HERC3: variants seen among roughly 807,000 people sequenced by gnomAD.
HERC3 encodes probable E3 ubiquitin-protein ligase HERC3.
Under a neutral mutation model 129.9 loss-of-function variants are expected in HERC3, and 58 were observed. That is an observed-to-expected ratio of 0.45 (90% CI 0.36 to 0.56). HERC3 has a LOEUF of 0.56. HERC3 is among the 20% of genes least tolerant of loss of function. The pLI is 0.00. For missense variants in HERC3, 835 were observed against 1,244.2 expected (o/e 0.67, Z 4.95); for synonymous variants, 430 against 451.0 (o/e 0.95, Z 0.59).
At chr4:88,615,026 C>T (rs1423848268) in intron 3 of HERC3, among the ~76,000 whole-genome samples, 1 of 152,208 alleles carries the variant, frequency 6.6e-6, no homozygotes, top group Non-Finnish European at 1.5e-5. Context: ...TATACCTACA[C>T]ACATTATAAG....
the HERC3 span, among the ~76,000 whole-genome samples, chr4:88,557,702 G>A: frequency 2.0e-5 from 3 of 152,146 alleles, no homozygotes; most frequent in Admixed American, 6.5e-5. Flanking sequence ...CTTTTACAAT[G>A]CTAGTTGGAG....
chr4:88,639,149 G>A (rs1220608340), intron 3 of HERC3, among the ~76,000 whole-genome samples: 1 of 152,180 alleles, frequency 6.6e-6, no homozygotes, highest in Non-Finnish European at 1.5e-5. Flanking sequence ...TCAGTATCAT[G>A]AAAATGGTCA....
intron 16 of HERC3, 44 bp from the exon 17 acceptor site, chr4:88,676,174 G>A (rs369581125): frequency 7.1e-7 from 1 of 1,401,338 alleles, no homozygotes; most frequent in Admixed American, 1.8e-5. Flanking sequence ...TAAAATTCAG[G>A]GTTTACAATT....
chr4:88,617,572 A>C (rs974976870), intron 3 of HERC3, among the ~76,000 whole-genome samples: 1 of 152,214 alleles, frequency 6.6e-6, no homozygotes, highest in Non-Finnish European at 1.5e-5. Context: ...CTGTTTGGGC[A>C]CAAAGTCAAA....
At chr4:88,620,592 A>G (rs539012991) in intron 3 of HERC3, among the ~76,000 whole-genome samples, 119 of 152,226 alleles carry the variant, frequency 7.8e-4, no homozygotes, top group Admixed American at 1.9e-3. Flanking sequence ...CCAAGTTACC[A>G]TCATATCTCA....
At chr4:88,565,425 G>T in the HERC3 span, among the ~76,000 whole-genome samples, 2 of 152,060 alleles carry the variant, frequency 1.3e-5, no homozygotes, top group Non-Finnish European at 2.9e-5. Context: ...CTAGTGTTGG[G>T]TGTATGTATA....
In HERC3 at chr4:88,658,440, G is replaced by GCAGAT. The variant is rs1168193932; in HGVS notation, c.1097_1101dup (p.Phe368ArgfsTer28). ...ATCGCTTTAAATATCATATCGTTAA[G>GCAGAT]CAGATCTTCTCTGGAGGAGACCAGA... On this transcript the variant is annotated frameshift_variant, in exon 10 of 26. Transcript: ENST00000402738. LOFTEE classifies it high-confidence loss of function. The GCAGAT allele has an allele frequency of 1.2e-6, 2 of 1,602,196 alleles. No homozygotes were observed. The highest frequency in any genetic ancestry group is 4.5e-5 in the East Asian group (2 of 44,702).
At chr4:88,624,193 C>A (rs2972024) in intron 3 of HERC3, among the ~76,000 whole-genome samples, 64,944 of 152,046 alleles carry the variant, frequency 0.43, 17,377 homozygotes, top group African/African-American at 0.75. Context: ...TATTTTCCCC[C>A]GTTTTGGGTT....
At chr4:88,651,228 T>A (rs1272933409) in intron 4 of HERC3, among the ~76,000 whole-genome samples, 1 of 152,202 alleles carries the variant, frequency 6.6e-6, no homozygotes. Flanking sequence ...AAAAATGAAG[T>A]AATCTGTTCT....
At chr4:88,627,514 G>A (rs985210895) in intron 3 of HERC3, among the ~76,000 whole-genome samples, 1 of 152,108 alleles carries the variant, frequency 6.6e-6, no homozygotes, top group Non-Finnish European at 1.5e-5. Context: ...AGGAATTTGA[G>A]CATCTATGGA....
At chr4:88,595,466 C>T (rs560351702) in intron 1 of HERC3, 91 bp from the exon 2 acceptor site, 1 of 152,302 alleles carries the variant, frequency 6.6e-6, no homozygotes, top group African/African-American at 2.4e-5. Context: ...TTCTTATTTT[C>T]AGAGGTTAAC....
the HERC3 span, among the ~76,000 whole-genome samples, chr4:88,533,910 A>G: frequency 3.9e-5 from 6 of 152,178 alleles, no homozygotes; most frequent in Non-Finnish European, 8.8e-5. Flanking sequence ...TTAAAGTGCT[A>G]TGTACCTTCA....
intron 23 of HERC3, among the ~76,000 whole-genome samples, chr4:88,691,977 A>C (rs1734119789): frequency 6.6e-6 from 1 of 152,276 alleles, no homozygotes; most frequent in Non-Finnish European, 1.5e-5. Flanking sequence ...GAGGAATACC[A>C]ATTCTGTATT....
intron 23 of HERC3, chr4:88,697,690 G>A (rs1430241172): frequency 6.2e-7 from 1 of 1,610,834 alleles, no homozygotes; most frequent in South Asian, 1.1e-5. Flanking sequence ...CTCCTCTGCC[G>A]CTGCCTCCGC....
chr4:88,653,533 A>G (rs917175999), intron 6 of HERC3, among the ~76,000 whole-genome samples: 1 of 152,154 alleles, frequency 6.6e-6, no homozygotes, highest in African/African-American at 2.4e-5. Flanking sequence ...CCAGTTATGC[A>G]GGGCCCTGAG....
At chr4:88,668,787 C>T (rs749646622) in intron 14 of HERC3, 9 of 152,066 alleles carry the variant, frequency 5.9e-5, no homozygotes, top group East Asian at 1.9e-4. Flanking sequence ...GTGGTCTCGC[C>T]GTGAATAAAG....
chr4:88,572,734 AGGAGGC>A, the HERC3 span, among the ~76,000 whole-genome samples: 1 of 151,664 alleles, frequency 6.6e-6, no homozygotes, highest in Admixed American at 6.6e-5. Flanking sequence ...GCTTGAACTC[AGGAGGC>A]GGAGGTTGCA....
chr4:88,539,423 T>G, the HERC3 span, among the ~76,000 whole-genome samples: 1 of 152,172 alleles, frequency 6.6e-6, no homozygotes, highest in Non-Finnish European at 1.5e-5. Context: ...CCAGGAAGCT[T>G]GAACTGGGCA....
chr4:88,697,849 G>A (rs1734817524), intron 23 of HERC3: 2 of 1,481,968 alleles, frequency 1.3e-6, no homozygotes, highest in Admixed American at 4.8e-5. Context: ...GCAAGTGGCG[G>A]TGACGTGCGG....
Sources: allele counts gnomAD v4.1 joint callset (sites outside exome capture counted in the v4.1 genomes callset), GRCh38; gene constraint gnomAD v4.1.1; transcripts MANE v1.5; gene names NCBI Gene and HGNC (gene_info 2026-07-23, HGNC 2026-07-21).